The following PPARGC1A variants were observed in gnomAD, a reference collection of about 807,000 sequenced individuals.
PPARGC1A encodes peroxisome proliferator-activated receptor gamma coactivator 1-alpha.
PPARGC1A carries 25 observed loss-of-function variants against 88.7 expected under a neutral mutation model. That is an observed-to-expected ratio of 0.28 (90% CI 0.21 to 0.39). The LOEUF is 0.39. Among genes scored for constraint, PPARGC1A ranks in the 10% least tolerant of loss-of-function variants. PPARGC1A has a pLI of 1.00. For synonymous variants in PPARGC1A, 363 were observed against 355.6 expected, an observed-to-expected ratio of 1.02 and a Z score of -0.24; for missense variants, 880 against 968.7, an observed-to-expected ratio of 0.91 and a Z score of 1.22.
chr4:24,206,241 G>A, the PPARGC1A span, among the ~76,000 whole-genome samples: 1 of 152,172 alleles, frequency 6.6e-6, no homozygotes, highest in Non-Finnish European at 1.5e-5. Flanking sequence ...GGCAAATGAT[G>A]AAAGTATGAG....
At chr4:23,907,519 G>A (rs1196286378), upstream of PPARGC1A, among the ~76,000 whole-genome samples, 1 of 152,142 alleles carries the variant, frequency 6.6e-6, no homozygotes, top group Non-Finnish European at 1.5e-5. Flanking sequence ...AAACCTGAGT[G>A]TGAAGTCCAC....
At chr4:24,344,767 A>G in the PPARGC1A span, among the ~76,000 whole-genome samples, 2 of 152,034 alleles carry the variant, frequency 1.3e-5, no homozygotes, top group Non-Finnish European at 2.9e-5. Context: ...ATTAGGTCCT[A>G]GCTATTTATC....
intron 7 of PPARGC1A, among the ~76,000 whole-genome samples, chr4:23,815,194 A>C (rs181723343): frequency 2.0e-5 from 3 of 152,254 alleles, no homozygotes; most frequent in Admixed American, 2.0e-4. Flanking sequence ...AAGCAACTTC[A>C]AAGTAAGTTC....
the PPARGC1A span, among the ~76,000 whole-genome samples, chr4:23,933,103 T>C: frequency 6.6e-6 from 1 of 152,174 alleles, no homozygotes; most frequent in East Asian, 1.9e-4. Context: ...CCAATTCTTC[T>C]GGTGCCAAAA....
At chr4:24,404,235 C>A in the PPARGC1A span, among the ~76,000 whole-genome samples, 1 of 151,844 alleles carries the variant, frequency 6.6e-6, no homozygotes, top group Non-Finnish European at 1.5e-5. Context: ...CGCACTCCAG[C>A]CTGGGTGACA....
the PPARGC1A span, among the ~76,000 whole-genome samples, chr4:24,122,058 A>G: frequency 2.0e-5 from 3 of 152,254 alleles, no homozygotes; most frequent in African/African-American, 7.2e-5. Flanking sequence ...TACATGAGAC[A>G]GGGGAATAGG....
the PPARGC1A span, among the ~76,000 whole-genome samples, chr4:24,467,487 G>C: frequency 2.0e-5 from 3 of 152,164 alleles, no homozygotes; most frequent in African/African-American, 7.2e-5. Context: ...CCAAGTCTTG[G>C]CTCATCTCCG....
At chr4:24,059,992 C>G in the PPARGC1A span, among the ~76,000 whole-genome samples, 4 of 152,198 alleles carry the variant, frequency 2.6e-5, no homozygotes, top group African/African-American at 9.7e-5. Flanking sequence ...TGCACAAGCA[C>G]ACCTGGGACG....
In PPARGC1A at chr4:23,814,501, ATGG is replaced by A. The variant is rs768368709; in HGVS notation, c.979_981del (p.Pro327del). 1.7e-5 allele frequency: 27 copies of A among 1,613,126 alleles called. No individual in the cohort carries two copies. In the African/African-American group the frequency reaches 2.9e-4, roughly 18 times the overall value. ...GACTCACTGTACCTGGGCTTCTTTG[ATGG>A]TGGTGGCACCACAGTCTTGCAAGAG... On this transcript the variant is annotated inframe_deletion, in exon 8 of 13. Transcript: ENST00000264867.
intron 2 of PPARGC1A, among the ~76,000 whole-genome samples, chr4:23,836,380 C>T (rs1032720924): frequency 3.3e-5 from 5 of 152,164 alleles, no homozygotes; most frequent in Admixed American, 1.3e-4. Flanking sequence ...GCAATTCTTC[C>T]GACCTAAATA....
chr4:24,004,025 G>T, the PPARGC1A span, among the ~76,000 whole-genome samples: 1 of 152,046 alleles, frequency 6.6e-6, no homozygotes, highest in Admixed American at 6.6e-5. Context: ...TTAAAATTTG[G>T]CACTAGTCAG....
At chr4:24,182,749 T>C in the PPARGC1A span, among the ~76,000 whole-genome samples, 2 of 152,192 alleles carry the variant, frequency 1.3e-5, no homozygotes, top group Admixed American at 6.5e-5. Flanking sequence ...TAATGCTTGG[T>C]ACCCCACTTT....
chr4:24,149,091 G>T, the PPARGC1A span, among the ~76,000 whole-genome samples: 1 of 151,988 alleles, frequency 6.6e-6, no homozygotes, highest in Non-Finnish European at 1.5e-5. Flanking sequence ...GGGGGGAAGG[G>T]ACATGCTTAA....
the PPARGC1A span, among the ~76,000 whole-genome samples, chr4:24,435,600 C>T: frequency 2.6e-5 from 4 of 152,222 alleles, no homozygotes; most frequent in Admixed American, 6.5e-5. Context: ...AAAGGTGAGA[C>T]AACCTCTCCT....
the PPARGC1A span, among the ~76,000 whole-genome samples, chr4:24,227,415 A>G: frequency 4.6e-5 from 7 of 152,280 alleles, no homozygotes; most frequent in African/African-American, 7.2e-5. Flanking sequence ...TCCATTCTCT[A>G]TGTCTTAGGG....
the PPARGC1A span, among the ~76,000 whole-genome samples, chr4:24,234,914 A>C: frequency 6.6e-6 from 1 of 152,212 alleles, no homozygotes; most frequent in Admixed American, 6.5e-5. Flanking sequence ...TGCAACATGA[A>C]AACAAAACAT....
the PPARGC1A span, among the ~76,000 whole-genome samples, chr4:24,353,497 A>G: frequency 6.6e-6 from 1 of 152,178 alleles, no homozygotes; most frequent in African/African-American, 2.4e-5. Flanking sequence ...TGTTTACTGT[A>G]GCGAAAGACT....
the PPARGC1A span, among the ~76,000 whole-genome samples, chr4:24,442,667 C>T: frequency 5.3e-5 from 8 of 152,114 alleles, no homozygotes; most frequent in African/African-American, 1.9e-4. Context: ...CTGCCACATA[C>T]ATTTATTTTT....
chr4:23,824,455 A>G lies in PPARGC1A; in HGVS notation c.803+8T>C, dbSNP rs368357182. 1.7e-4 allele frequency: 267 copies of G among 1,610,488 alleles called. No homozygotes were observed. Among genetic ancestry groups the G allele is most frequent in the Middle Eastern group, 8.2e-4 (5 of 6,076 alleles). ...TTTCAGAAAATGGTTACATTTCTTA[A>G]TACTTACTTTGGTGACTCTGGGGTC... On this transcript the variant is annotated splice_region_variant and intron_variant, in intron 6 of 12. Coordinates refer to ENST00000264867, the MANE Select transcript of PPARGC1A (RefSeq NM_013261.5).
Sources: gnomAD v4.1 joint callset for allele counts (sites outside exome capture counted in the v4.1 genomes callset) on GRCh38, gnomAD v4.1.1 for gene constraint, MANE v1.5 for transcripts, NCBI Gene and HGNC (gene_info 2026-07-23, HGNC 2026-07-21) for gene names.